TMPRSS11F: variants seen among roughly 807,000 people sequenced by gnomAD.
TMPRSS11F encodes the protein transmembrane serine protease 11F, also known as transmembrane protease serine 11F.
A neutral mutation model predicts 60.2 loss-of-function variants in TMPRSS11F; 47 were observed. The ratio of observed to expected loss-of-function variants is 0.78; its 90% CI spans 0.62 to 1.00. The LOEUF is 1.00. Among genes scored for constraint, TMPRSS11F ranks in the 50% least tolerant of loss-of-function variants. The pLI, the probability that TMPRSS11F is intolerant of heterozygous loss-of-function variation, is 0.00. For missense variants in TMPRSS11F, 519 were observed against 522.9 expected (o/e 0.99, Z 0.07); for synonymous variants, 166 against 167.3 (o/e 0.99, Z 0.06).
intron 2 of TMPRSS11F, among the ~76,000 whole-genome samples, chr4:68,097,477 G>C (rs1387104553): frequency 6.6e-6 from 1 of 151,892 alleles, no homozygotes; most frequent in Admixed American, 6.6e-5. Flanking sequence ...GACCCTTGCA[G>C]TTATATTTAG....
At chr4:68,055,935 C>T (rs111558029) in intron 9 of TMPRSS11F, among the ~76,000 whole-genome samples, 15 of 152,020 alleles carry the variant, frequency 9.9e-5, no homozygotes, top group African/African-American at 2.4e-4. Context: ...ATTAACAAAA[C>T]GAAGGCTAAA....
intron 1 of TMPRSS11F, among the ~76,000 whole-genome samples, chr4:68,099,758 G>GAA (rs1724151159): frequency 2.0e-5 from 3 of 152,170 alleles, no homozygotes; most frequent in African/African-American, 7.2e-5. Context: ...ATGAGATCAT[G>GAA]AAAAAGTCCA....
intron 8 of TMPRSS11F, among the ~76,000 whole-genome samples, chr4:68,059,812 A>G (rs531095096): frequency 1.3e-5 from 2 of 152,270 alleles, no homozygotes; most frequent in Non-Finnish European, 2.9e-5. Context: ...CACATTCTCC[A>G]TGTAAGGAAA....
chr4:68,092,459 TC>T (rs1158068205), intron 2 of TMPRSS11F, among the ~76,000 whole-genome samples: 1 of 152,188 alleles, frequency 6.6e-6, no homozygotes, highest in African/African-American at 2.4e-5. Flanking sequence ...TTTTGTTCAT[TC>T]AAAATGAGAT....
At chr4:68,094,315 C>A (rs866151775) in intron 2 of TMPRSS11F, among the ~76,000 whole-genome samples, 7 of 129,342 alleles carry the variant, frequency 5.4e-5, no homozygotes, top group African/African-American at 1.7e-4. Context: ...AACCAGACAC[C>A]GCATATTCTC....
At chr4:68,074,033 A>C (rs1333914920) in intron 3 of TMPRSS11F, 24 bp from the exon 4 acceptor site, 12 of 1,375,494 alleles carry the variant, frequency 8.7e-6, no homozygotes, top group Non-Finnish European at 1.1e-5. Context: ...AATAAGTATT[A>C]GTCTTCAGAA....
chr4:68,078,115 TC>T (rs1024286028), intron 3 of TMPRSS11F, among the ~76,000 whole-genome samples: 21 of 152,102 alleles, frequency 1.4e-4, no homozygotes, highest in Admixed American at 1.4e-3. Flanking sequence ...GCAACCCCCA[TC>T]CCACCCTTAC....
chr4:68,123,574 G>A (rs762311756), intron 1 of TMPRSS11F, among the ~76,000 whole-genome samples: 2 of 152,144 alleles, frequency 1.3e-5, no homozygotes, highest in Non-Finnish European at 2.9e-5. Context: ...CAGAAATCAT[G>A]GCCAAGTACC....
At chr4:68,060,495 G>A (rs1354547668) in intron 8 of TMPRSS11F, among the ~76,000 whole-genome samples, 1 of 102,244 alleles carries the variant, frequency 9.8e-6, no homozygotes, top group Non-Finnish European at 1.7e-5. Context: ...CAGCCTGGGT[G>A]ACAGAGTGAG....
At chr4:68,107,473 G>A (rs1159975220) in intron 1 of TMPRSS11F, among the ~76,000 whole-genome samples, 1 of 152,114 alleles carries the variant, frequency 6.6e-6, no homozygotes, top group Non-Finnish European at 1.5e-5. Flanking sequence ...GTGAAAGATG[G>A]AGCCATGTAA....
At chr4:68,120,612 T>A (rs956358507) in intron 1 of TMPRSS11F, among the ~76,000 whole-genome samples, 2 of 151,844 alleles carry the variant, frequency 1.3e-5, no homozygotes, top group African/African-American at 4.8e-5. Context: ...ATGGTCTCGA[T>A]CTCCTGACCT....
intron 7 of TMPRSS11F, among the ~76,000 whole-genome samples, chr4:68,065,292 C>T (rs1197854965): frequency 6.6e-6 from 1 of 152,036 alleles, no homozygotes; most frequent in East Asian, 1.9e-4. Context: ...TCATATCTTC[C>T]ACCGATTCTT....
chr4:68,097,335 G>A (rs766312260), intron 2 of TMPRSS11F, among the ~76,000 whole-genome samples: 7 of 152,174 alleles, frequency 4.6e-5, no homozygotes, highest in South Asian at 2.1e-4. Flanking sequence ...GCTGTAAGGC[G>A]AGAATTTATT....
intron 1 of TMPRSS11F, among the ~76,000 whole-genome samples, chr4:68,100,015 A>T (rs1170954246): frequency 6.6e-6 from 1 of 150,610 alleles, no homozygotes; most frequent in East Asian, 1.9e-4. Flanking sequence ...ACATGATTAC[A>T]ACTTTGAGGA....
chr4:68,129,703 TA>T, intron 1 of TMPRSS11F, 106 bp downstream of exon 1: 1 of 989,482 alleles, frequency 1.0e-6, no homozygotes, highest in Non-Finnish European at 1.5e-6. Context: ...ATTAAAACTC[TA>T]ATGTTTAAAT....
chr4:68,079,302 T>C (rs1477373499), intron 3 of TMPRSS11F, among the ~76,000 whole-genome samples: 1 of 152,036 alleles, frequency 6.6e-6, no homozygotes, highest in Non-Finnish European at 1.5e-5. Context: ...AGGGAAGCCA[T>C]CTTTAGATCT....
intron 3 of TMPRSS11F, chr4:68,080,050 G>C (rs777540292): frequency 6.6e-6 from 1 of 152,166 alleles, no homozygotes; most frequent in Admixed American, 6.5e-5. Context: ...TCCTGTTACT[G>C]TCAAGGGAAT....
intron 2 of TMPRSS11F, among the ~76,000 whole-genome samples, chr4:68,097,890 G>A (rs1724104272): frequency 6.6e-6 from 1 of 152,124 alleles, no homozygotes; most frequent in Non-Finnish European, 1.5e-5. Context: ...AATGAGGGTA[G>A]GAAGGTAAAC....
At chr4:68,073,918 A>G (rs919214139) in intron 4 of TMPRSS11F, 24 bp downstream of exon 4, 1 of 1,490,956 alleles carries the variant, frequency 6.7e-7, no homozygotes, top group Non-Finnish European at 9.1e-7. Context: ...TATTAACTTG[A>G]AATTATAAAC....
Sources: allele counts gnomAD v4.1 joint callset (sites outside exome capture counted in the v4.1 genomes callset), GRCh38; gene constraint gnomAD v4.1.1; transcripts MANE v1.5; gene names NCBI Gene and HGNC (gene_info 2026-07-23, HGNC 2026-07-21).